The following PUDP variants were observed in gnomAD, a reference collection of about 807,000 sequenced individuals.
PUDP encodes the protein pseudouridine 5'-phosphatase.
In PUDP, 8 loss-of-function variants were observed where a neutral mutation model predicts 9.4. That is an observed-to-expected ratio of 0.85 (90% CI 0.50 to 1.53). The LOEUF is 1.53. PUDP is among the 40% of genes most tolerant of loss of function. The probability of loss-of-function intolerance (pLI) is 0.00; values close to 1 mark genes in which losing one functional copy is unlikely to be tolerated. For missense variants in PUDP, 188 were observed against 189.7 expected (o/e 0.99, Z 0.05); for synonymous variants, 99 against 80.7 (o/e 1.23, Z -1.22).
chrX:6,959,231 A>G (rs1928673067), intron 3 of PUDP, among the ~76,000 whole-genome samples: 1 of 111,628 alleles, frequency 9.0e-6, no homozygotes, highest in Non-Finnish European at 1.9e-5. Flanking sequence ...TGCCCCTCCC[A>G]TCACAGGCCC....
At chrX:6,874,812 C>T (rs1225728254) in intron 3 of PUDP, among the ~76,000 whole-genome samples, 1 of 111,860 alleles carries the variant, frequency 8.9e-6, no homozygotes, top group Admixed American at 9.5e-5. Context: ...CAATGTTTCC[C>T]TCCAGAAGAC....
intron 3 of PUDP, among the ~76,000 whole-genome samples, chrX:7,063,537 G>A (rs776065698): frequency 1.8e-5 from 2 of 112,179 alleles, no homozygotes; most frequent in South Asian, 3.8e-4. Flanking sequence ...GGAGAAGAGA[G>A]TGTAGGAGGT....
chrX:6,842,708 T>A (rs1214760950), intron 3 of PUDP, among the ~76,000 whole-genome samples: 1 of 112,314 alleles, frequency 8.9e-6, no homozygotes, highest in African/African-American at 3.2e-5. Flanking sequence ...TGTACATCAG[T>A]ACAACTGAAA....
chrX:6,710,262 T>C (rs1390411068), intron 1 of PUDP, among the ~76,000 whole-genome samples: 1 of 112,462 alleles, frequency 8.9e-6, no homozygotes, highest in East Asian at 2.8e-4. Flanking sequence ...CCATATCATC[T>C]GACCAATTCA....
chrX:7,126,761 T>C (rs1290639616), intron 1 of PUDP, among the ~76,000 whole-genome samples: 2 of 111,335 alleles, frequency 1.8e-5, no homozygotes, highest in Admixed American at 1.9e-4. Context: ...CCACGTAAGT[T>C]TGAGGGGGAC....
At position 6,969,400 on chromosome X, in the gene PUDP, A is replaced by C. The variant is rs57336595; in HGVS notation, c.*247+7733T>G. Among the ~76,000 whole-genome samples, 145 of 111,805 alleles carry C rather than the reference A, an allele frequency of 1.3e-3. 5 individuals carry two copies. In the East Asian group the frequency reaches 0.035, roughly 27 times the overall value. ...CAACCCAAGGGGTGAGGTGTGAAGA[A>C]ATGTTCCCACATCAGGCCCTGCTGT... On this transcript the variant is annotated intron_variant and NMD_transcript_variant, in intron 3 of 3. Coordinates refer to the PUDP transcript ENST00000655425.
At chrX:6,731,068 A>T (rs200294652) in intron 3 of PUDP, among the ~76,000 whole-genome samples, 3 of 45,785 alleles carry the variant, frequency 6.6e-5, no homozygotes, top group East Asian at 1.6e-3. Context: ...TTTTATTTTT[A>T]TTTTATTTTA....
chrX:6,799,780 G>A (rs1369625343), intron 3 of PUDP, among the ~76,000 whole-genome samples: 1 of 110,292 alleles, frequency 9.1e-6, no homozygotes, highest in African/African-American at 3.3e-5. Flanking sequence ...AGGTTGCGGT[G>A]AGCCGAGACC....
intron 3 of PUDP, among the ~76,000 whole-genome samples, chrX:6,792,967 T>C (rs968159531): frequency 8.9e-6 from 1 of 112,971 alleles, no homozygotes; most frequent in African/African-American, 3.2e-5. Flanking sequence ...ATAGGCCCAT[T>C]TGACAGGAAT....
chrX:7,061,537 T>C (rs1930402879), intron 3 of PUDP, among the ~76,000 whole-genome samples: 2 of 111,126 alleles, frequency 1.8e-5, no homozygotes, highest in Admixed American at 1.9e-4. Context: ...GGAAAGTAGC[T>C]GAAGATTTCA....
intron 3 of PUDP, among the ~76,000 whole-genome samples, chrX:6,949,010 T>C (rs1370391121): frequency 8.9e-6 from 1 of 112,201 alleles, no homozygotes; most frequent in African/African-American, 3.2e-5. Flanking sequence ...TCCTTTGCCA[T>C]TGCACAGAAG....
chrX:7,072,017 C>T (rs1404142250), intron 3 of PUDP, among the ~76,000 whole-genome samples: 2 of 111,375 alleles, frequency 1.8e-5, no homozygotes, highest in African/African-American at 6.5e-5. Context: ...TCTTTAACTC[C>T]TGAGCTCAAG....
chrX:6,975,219 C>T (rs1650894583), intron 3 of PUDP, among the ~76,000 whole-genome samples: 1 of 110,216 alleles, frequency 9.1e-6, no homozygotes, highest in African/African-American at 3.3e-5. Flanking sequence ...TCTGTCAATT[C>T]ATCAAACTCA....
Position 6,938,733 on chromosome X carries a change from A to G in PUDP, c.*247+38400T>C, listed in dbSNP as rs1305031071. On this transcript the variant is annotated intron_variant and NMD_transcript_variant, in intron 3 of 3. Transcript: ENST00000655425. The stretch of plus-strand genomic sequence containing the variant: ...GTCAGGAGTCGCATGAATTATGCCA[A>G]TTTAAGAACCACCTGCCTAAAGCAC... Among the ~76,000 whole-genome samples, 5 of 108,087 alleles carry G rather than the reference A, an allele frequency of 4.6e-5. No individual in the cohort carries two copies. The Admixed American group carries it at 5.0e-4, about 11-fold the overall frequency. 93.9% of individuals were successfully genotyped at this position (108,087 alleles called of 115,157 possible).
intron 3 of PUDP, among the ~76,000 whole-genome samples, chrX:6,936,073 C>T (rs1236927008): frequency 3.6e-5 from 4 of 110,553 alleles, no homozygotes; most frequent in African/African-American, 9.9e-5. Flanking sequence ...GAACTGATAC[C>T]ATTCCTTCTG....
intron 3 of PUDP, among the ~76,000 whole-genome samples, chrX:6,931,757 T>C (rs1450651078): frequency 1.8e-5 from 2 of 111,263 alleles, no homozygotes; most frequent in Non-Finnish European, 3.8e-5. Context: ...ACATCCAGAC[T>C]GCAGTACCGG....
At chrX:6,806,387 C>T (rs1926051105) in intron 3 of PUDP, among the ~76,000 whole-genome samples, 1 of 111,972 alleles carries the variant, frequency 8.9e-6, no homozygotes, top group Admixed American at 9.5e-5. Context: ...AGTGCAGTGG[C>T]ATTATCATAG....
intron 3 of PUDP, among the ~76,000 whole-genome samples, chrX:6,781,971 G>A (rs1925569761): frequency 8.9e-6 from 1 of 112,285 alleles, no homozygotes; most frequent in South Asian, 3.7e-4. Context: ...CTGGTGAAGA[G>A]AAACGCTTAT....
chrX:6,770,446 G>A (rs1247818165), intron 3 of PUDP, among the ~76,000 whole-genome samples: 1 of 112,438 alleles, frequency 8.9e-6, no homozygotes, highest in East Asian at 2.8e-4. Context: ...AACCATGCAG[G>A]CAGATAGGGA....
Sources: allele counts gnomAD v4.1 joint callset (sites outside exome capture counted in the v4.1 genomes callset), GRCh38; gene constraint gnomAD v4.1.1; transcripts MANE v1.5; gene names NCBI Gene and HGNC (gene_info 2026-07-23, HGNC 2026-07-21).